Variants in DGKB observed in about 807,000 individuals in gnomAD.
The protein encoded by DGKB is diacylglycerol kinase beta.
In DGKB, 67 loss-of-function variants were observed where a neutral mutation model predicts 114.3. That is an observed-to-expected ratio of 0.59 (90% CI 0.48 to 0.72). The LOEUF is 0.72. DGKB is among the 30% of genes least tolerant of loss of function. The pLI is 0.00. For missense variants in DGKB, 907 were observed against 975.2 expected, an observed-to-expected ratio of 0.93 and a Z score of 0.93; for synonymous variants, 398 against 323.1, an observed-to-expected ratio of 1.23 and a Z score of -2.49.
In DGKB at chr7:14,338,664, A is replaced by G; in HGVS notation, c.1973T>C (p.Ile658Thr). Reference sequence around the variant, plus strand: ...CATGCTTGGTATATTCAAAATAGCAATTCCTTCCAGAGAGATGTTTATTAA... The same window carrying G: ...CATGCTTGGTATATTCAAAATAGCAGTTCCTTCCAGAGAGATGTTTATTAA... ...IDLINISLEG[I>T]AILNIPSMHG... is the part of the protein sequence containing the mutation. The change falls in exon 23 of 26, where the codon ATT becomes ACT. Residue 658 changes from isoleucine (I) to threonine (T), a missense_variant. Ile to Thr is a moderately conservative substitution (Grantham distance 89, BLOSUM62 -1). Coordinates refer to ENST00000402815, the MANE Select transcript of DGKB (RefSeq NM_001350709.2). 6.3e-7 allele frequency: 1 copy of G among 1,599,624 alleles called. No homozygotes were observed. Among genetic ancestry groups the G allele is most frequent in the Non-Finnish European group, 8.5e-7 (1 of 1,172,386 alleles).
At chr7:14,783,811 T>C (rs1839465823) in intron 2 of DGKB, among the ~76,000 whole-genome samples, 2 of 152,222 alleles carry the variant, frequency 1.3e-5, no homozygotes, top group Admixed American at 6.5e-5. Flanking sequence ...AATGCTTTCC[T>C]GATGGCTTCT....
At chr7:14,646,488 T>C (rs1217048276) in intron 13 of DGKB, among the ~76,000 whole-genome samples, 2 of 152,134 alleles carry the variant, frequency 1.3e-5, no homozygotes, top group East Asian at 1.9e-4. Flanking sequence ...ATAGACCAAA[T>C]GAACCCAATA....
rs975867236 is a variant in DGKB at position 14,483,518 on chromosome 7, T to A, written c.1771-5293A>T. On this transcript the variant is annotated intron_variant, in intron 20 of 25. Coordinates refer to ENST00000402815, the MANE Select transcript of DGKB (RefSeq NM_001350709.2). ...TTTGGGGATATCAAGAAGAGGTAAA[T>A]GTATTTTGCACACAGACATGAATCT... Among the ~76,000 whole-genome samples, 3 of 152,138 alleles carry A rather than the reference T, an allele frequency of 2.0e-5. No homozygotes were observed. The East Asian group carries it at 5.8e-4, about 29-fold the overall frequency.
chr7:14,739,017 GAAA>G (rs901100566), intron 4 of DGKB, among the ~76,000 whole-genome samples: 7 of 152,132 alleles, frequency 4.6e-5, no homozygotes, highest in African/African-American at 1.7e-4. Flanking sequence ...TCTTTTGAAG[GAAA>G]AATATGCCAA....
intron 9 of DGKB, among the ~76,000 whole-genome samples, chr7:14,690,936 A>G (rs1822740286): frequency 6.6e-6 from 1 of 152,188 alleles, no homozygotes; most frequent in Non-Finnish European, 1.5e-5. Context: ...TTCAAATCTA[A>G]GAGACACTAA....
intron 23 of DGKB, among the ~76,000 whole-genome samples, chr7:14,248,839 T>C (rs1049308734): frequency 2.0e-5 from 3 of 152,128 alleles, no homozygotes; most frequent in Non-Finnish European, 4.4e-5. Context: ...ATTTTGTTCT[T>C]AGCTAATTGC....
chr7:14,718,539 T>G lies in DGKB; in HGVS notation c.466+3A>C. The G allele has an allele frequency of 1.2e-6, 2 of 1,606,028 alleles. No individual in the cohort carries two copies. Among genetic ancestry groups the G allele is most frequent in the Non-Finnish European group, 1.7e-6 (2 of 1,177,374 alleles). ...TAAGTAAACAAAATGAAGAAACACA[T>G]ACACTCAAGCTTATCCTCAGGTCTT... is the stretch of plus-strand genomic sequence containing the variant. On this transcript the variant is annotated splice_donor_region_variant and intron_variant, in intron 6 of 25. Coordinates refer to ENST00000402815, the MANE Select transcript of DGKB (RefSeq NM_001350709.2).
intron 23 of DGKB, among the ~76,000 whole-genome samples, chr7:14,233,880 G>A (rs1420388802): frequency 3.9e-5 from 6 of 151,998 alleles, no homozygotes; most frequent in Admixed American, 3.9e-4. Context: ...CGGAAATAAA[G>A]CTTCTGTTTG....
At chr7:14,623,430 C>G (rs766559684) in intron 14 of DGKB, among the ~76,000 whole-genome samples, 11 of 151,924 alleles carry the variant, frequency 7.2e-5, no homozygotes, top group African/African-American at 4.8e-5. Flanking sequence ...TGATCATTGC[C>G]CAAGTACAAT....
rs532318379 is a variant in DGKB at position 14,491,871 on chromosome 7, A to T, written c.1771-13646T>A. On this transcript the variant is annotated intron_variant, in intron 20 of 25. Transcript: ENST00000402815. The stretch of plus-strand genomic sequence containing the variant: ...ATCAGTAAATTAATAGCTTAAAACC[A>T]TGAGAGACTCATAATTTATCTAACT... 2.5e-4 allele frequency among the ~76,000 whole-genome samples: 38 copies of T among 152,202 alleles called. 2 individuals carry two copies. The South Asian group carries it at 7.9e-3, about 32-fold the overall frequency.
chr7:14,857,212 C>G (rs1194481520), intron 1 of DGKB, among the ~76,000 whole-genome samples: 1 of 150,298 alleles, frequency 6.7e-6, no homozygotes, highest in East Asian at 2.0e-4. Flanking sequence ...CTCTGTCTCT[C>G]TCTCTCTCTC....
intron 21 of DGKB, among the ~76,000 whole-genome samples, chr7:14,450,408 C>CA (rs1831310647): frequency 6.6e-6 from 1 of 151,996 alleles, no homozygotes; most frequent in Non-Finnish European, 1.5e-5. Flanking sequence ...GGACTGAGGA[C>CA]AAAATAATTA....
chr7:14,769,216 G>GAGAAAGAGAGAGAGAAAGAAAGAA (rs1836995150), intron 2 of DGKB, among the ~76,000 whole-genome samples: 1 of 131,860 alleles, frequency 7.6e-6, no homozygotes, highest in South Asian at 2.4e-4. Flanking sequence ...AGGAAAGAAA[G>GAGAAAGAGAGAGAGAAAGAAAGAA]AGAAAGAGAG....
intron 1 of DGKB, among the ~76,000 whole-genome samples, chr7:14,909,556 A>G (rs17371466): frequency 0.14 from 20,575 of 152,234 alleles, 1,484 homozygotes; most frequent in Admixed American, 0.19. Context: ...ACCCAGCCCA[A>G]TGTTTAAAAC....
At chr7:14,613,689 G>C (rs1806006956) in intron 15 of DGKB, among the ~76,000 whole-genome samples, 1 of 151,372 alleles carries the variant, frequency 6.6e-6, no homozygotes, top group African/African-American at 2.4e-5. Flanking sequence ...AATAACATTT[G>C]TAATTCCTGT....
At chr7:14,872,955 C>G (rs1053396634) in intron 1 of DGKB, among the ~76,000 whole-genome samples, 3 of 151,942 alleles carry the variant, frequency 2.0e-5, no homozygotes, top group African/African-American at 7.2e-5. Flanking sequence ...AGAGTAAGAA[C>G]ACAAATATTT....
chr7:14,826,839 A>G (rs1186197287), intron 2 of DGKB, among the ~76,000 whole-genome samples: 1 of 152,160 alleles, frequency 6.6e-6, no homozygotes, highest in Admixed American at 6.5e-5. Context: ...TAAGTGTTAG[A>G]TATTATATTT....
intron 8 of DGKB, among the ~76,000 whole-genome samples, chr7:14,696,351 C>T (rs962478463): frequency 2.0e-4 from 31 of 151,672 alleles, no homozygotes; most frequent in African/African-American, 6.5e-4. Context: ...AAAAATTAGC[C>T]GGGCGCGGTG....
At chr7:14,579,199 G>T (rs1799580518) in intron 19 of DGKB, among the ~76,000 whole-genome samples, 1 of 152,088 alleles carries the variant, frequency 6.6e-6, no homozygotes, top group African/African-American at 2.4e-5. Context: ...GTAATCTCCA[G>T]AAGGATAGAA....
Sources: allele counts gnomAD v4.1 joint callset (sites outside exome capture counted in the v4.1 genomes callset), GRCh38; gene constraint gnomAD v4.1.1; transcripts MANE v1.5; gene names NCBI Gene and HGNC (gene_info 2026-07-23, HGNC 2026-07-21).